DIAPH3: variants seen among roughly 807,000 people sequenced by gnomAD.
The protein encoded by DIAPH3 is protein diaphanous homolog 3.
In DIAPH3, 117 loss-of-function variants were observed where a neutral mutation model predicts 144.3. The ratio of observed to expected loss-of-function variants is 0.81; its 90% CI spans 0.70 to 0.95. DIAPH3 has a LOEUF of 0.95. Among genes scored for constraint, DIAPH3 ranks in the 40% least tolerant of loss-of-function variants. The pLI, the probability that DIAPH3 is intolerant of heterozygous loss-of-function variation, is 0.00. For missense variants in DIAPH3, 1,421 were observed against 1,412.7 expected (o/e 1.01, Z -0.09); for synonymous variants, 519 against 488.9 (o/e 1.06, Z -0.81).
intron 27 of DIAPH3, among the ~76,000 whole-genome samples, chr13:59,740,461 A>G (rs1256624229): frequency 6.6e-6 from 1 of 152,210 alleles, no homozygotes; most frequent in African/African-American, 2.4e-5. Context: ...GATGTCTGAG[A>G]ATATTAATTA....
chr13:60,092,655 GA>G (rs1157798538), intron 4 of DIAPH3, among the ~76,000 whole-genome samples: 255 of 143,410 alleles, frequency 1.8e-3, no homozygotes, highest in African/African-American at 6.0e-3. Flanking sequence ...CGTCTCAAAA[GA>G]AAAAAAAAAA....
intron 4 of DIAPH3, among the ~76,000 whole-genome samples, chr13:60,071,543 G>A (rs1243177801): frequency 6.6e-6 from 1 of 152,032 alleles, no homozygotes; most frequent in Non-Finnish European, 1.5e-5. Context: ...ATCTCAAATG[G>A]GCCCTCAAGG....
At chr13:59,944,343 T>A (rs2140401448) in intron 17 of DIAPH3, among the ~76,000 whole-genome samples, 1 of 152,308 alleles carries the variant, frequency 6.6e-6, no homozygotes. Context: ...GGGACAAAAC[T>A]GGAATGCATT....
chr13:59,720,231 C>T (rs2035270799), intron 27 of DIAPH3, among the ~76,000 whole-genome samples: 1 of 152,110 alleles, frequency 6.6e-6, no homozygotes. Flanking sequence ...AGGGCAGCTC[C>T]ATTATAATCT....
chr13:59,982,059 A>G (rs1208537041), intron 13 of DIAPH3, among the ~76,000 whole-genome samples: 1 of 151,384 alleles, frequency 6.6e-6, no homozygotes, highest in Non-Finnish European at 1.5e-5. Flanking sequence ...GCTTTCCAAT[A>G]CCTTTTCTCC....
At chr13:59,771,873 GCC>G (rs2038141446) in intron 27 of DIAPH3, among the ~76,000 whole-genome samples, 6 of 151,840 alleles carry the variant, frequency 4.0e-5, no homozygotes, top group African/African-American at 1.2e-4. Context: ...CATTTAGTAA[GCC>G]AAATATCTCA....
chr13:59,767,014 C>T (rs1241406025), intron 27 of DIAPH3, among the ~76,000 whole-genome samples: 1 of 152,148 alleles, frequency 6.6e-6, no homozygotes, highest in Non-Finnish European at 1.5e-5. Context: ...TCACTGGTGG[C>T]TCCTAGGGGA....
intron 4 of DIAPH3, among the ~76,000 whole-genome samples, chr13:60,065,162 T>A (rs1566730157): frequency 6.7e-6 from 1 of 149,444 alleles, no homozygotes; most frequent in Admixed American, 6.8e-5. Flanking sequence ...TACCAAAATG[T>A]GACACAGAAA....
chr13:60,023,352 T>C (rs1313333669), intron 5 of DIAPH3, among the ~76,000 whole-genome samples: 1 of 152,188 alleles, frequency 6.6e-6, no homozygotes, highest in Non-Finnish European at 1.5e-5. Flanking sequence ...TGTTGATGTC[T>C]TGGTAATATA....
At chr13:59,866,222 G>A (rs1486461334) in intron 21 of DIAPH3, among the ~76,000 whole-genome samples, 2 of 151,830 alleles carry the variant, frequency 1.3e-5, no homozygotes, top group Admixed American at 6.6e-5. Context: ...CATGTTAAGT[G>A]CTTAAAACAT....
intron 17 of DIAPH3, among the ~76,000 whole-genome samples, chr13:59,959,254 C>T (rs923686156): frequency 6.6e-5 from 10 of 152,220 alleles, no homozygotes; most frequent in South Asian, 2.1e-4. Context: ...AAATGGCCTT[C>T]CTATAAAAGG....
chr13:60,003,514 TATAC>T (rs1468528135), intron 9 of DIAPH3, among the ~76,000 whole-genome samples: 4 of 150,670 alleles, frequency 2.7e-5, no homozygotes, highest in Admixed American at 6.7e-5. Flanking sequence ...TGTATGTGTG[TATAC>T]ATATATATAT....
intron 27 of DIAPH3, among the ~76,000 whole-genome samples, chr13:59,681,636 A>G (rs938422147): frequency 2.6e-5 from 4 of 152,164 alleles, no homozygotes; most frequent in African/African-American, 9.7e-5. Flanking sequence ...ATATTTTACA[A>G]GACTCATTAT....
At chr13:59,811,673 C>A (rs2040482326) in intron 24 of DIAPH3, among the ~76,000 whole-genome samples, 1 of 144,096 alleles carries the variant, frequency 6.9e-6, no homozygotes, top group Non-Finnish European at 1.5e-5. Context: ...GGAGGCAGAG[C>A]TTGCAGTGAG....
At chr13:59,842,212 A>G (rs984031892) in intron 22 of DIAPH3, among the ~76,000 whole-genome samples, 9 of 151,872 alleles carry the variant, frequency 5.9e-5, no homozygotes, top group Admixed American at 1.3e-4. Flanking sequence ...CTTTTTATAT[A>G]TGTATTTATT....
chr13:59,994,247 T>G (rs1349167240), intron 9 of DIAPH3, among the ~76,000 whole-genome samples: 2 of 151,952 alleles, frequency 1.3e-5, no homozygotes, highest in African/African-American at 4.8e-5. Context: ...TTAATTTAAA[T>G]CATGCAAACA....
chr13:59,847,876 G>A (rs2042736447), intron 22 of DIAPH3, among the ~76,000 whole-genome samples: 1 of 152,092 alleles, frequency 6.6e-6, no homozygotes, highest in Non-Finnish European at 1.5e-5. Context: ...AACTCCAATG[G>A]CCTATTTGGA....
At chr13:59,910,279 A>G (rs2046929392) in intron 20 of DIAPH3, among the ~76,000 whole-genome samples, 1 of 151,894 alleles carries the variant, frequency 6.6e-6, no homozygotes, top group South Asian at 2.1e-4. Flanking sequence ...AGTATCAAAT[A>G]GACAAACTAA....
chr13:60,095,637 T>A (rs2058086322), intron 3 of DIAPH3, among the ~76,000 whole-genome samples: 1 of 151,906 alleles, frequency 6.6e-6, no homozygotes. Flanking sequence ...AATATTTTAG[T>A]CTGTCTGGAC....
Sources: allele counts gnomAD v4.1 joint callset (sites outside exome capture counted in the v4.1 genomes callset), GRCh38; gene constraint gnomAD v4.1.1; transcripts MANE v1.5; gene names NCBI Gene and HGNC (gene_info 2026-07-23, HGNC 2026-07-21).